Variants in CSRP1 observed in about 807,000 individuals in gnomAD.
The protein encoded by CSRP1 is cysteine and glycine rich protein 1, also known as cysteine and glycine-rich protein 1.
CSRP1 carries 16 observed loss-of-function variants against 25.4 expected under a neutral mutation model. The observed-to-expected ratio is 0.63, with a 90% CI of 0.43 to 0.96. CSRP1 has a LOEUF of 0.96. Ranked by LOEUF, CSRP1 falls within the 40% of genes least tolerant of loss-of-function variation. CSRP1 has a pLI of 0.00. For missense variants in CSRP1, 212 were observed against 243.6 expected (o/e 0.87, Z 0.86); for synonymous variants, 97 against 95.3 (o/e 1.02, Z -0.10).
intron 2 of CSRP1, 70 bp downstream of exon 2, chr1:201,496,122 G>A (rs1359152597): frequency 1.7e-6 from 2 of 1,211,230 alleles, no homozygotes; most frequent in Non-Finnish European, 2.4e-6. Flanking sequence ...GTGTTGACAG[G>A]CCCAGCCTGT....
At chr1:201,498,772 G>C (rs1168773738) in intron 1 of CSRP1, among the ~76,000 whole-genome samples, 1 of 152,206 alleles carries the variant, frequency 6.6e-6, no homozygotes. Flanking sequence ...CACAGCTTCT[G>C]GGGCCATTTT....
At chr1:201,487,057 A>G in intron 4 of CSRP1, 1 of 1,121,252 alleles carries the variant, frequency 8.9e-7, no homozygotes, top group Non-Finnish European at 1.2e-6. Flanking sequence ...GCAAAACTGT[A>G]CTGAGGACAT....
intron 2 of CSRP1, 86 bp downstream of exon 2, chr1:201,496,106 C>T (rs1328230624): frequency 2.5e-5 from 25 of 986,360 alleles, no homozygotes; most frequent in Non-Finnish European, 3.7e-5. Flanking sequence ...GGATCAGTTC[C>T]CTGGGGTGTT....
chr1:201,485,666 G>A, intron 4 of CSRP1: 1 of 415,116 alleles, frequency 2.4e-6, no homozygotes, highest in South Asian at 3.1e-5. Context: ...TAACACCAAA[G>A]TAGCTGTTAC....
At chr1:201,496,058 T>A (rs1664501246) in intron 2 of CSRP1, 134 bp downstream of exon 2, 2 of 682,130 alleles carry the variant, frequency 2.9e-6, no homozygotes, top group African/African-American at 3.5e-5. Context: ...CCTGCCCAGC[T>A]GCGCTTCAGC....
At position 201,483,603 on chromosome 1, in the gene CSRP1, T is replaced by C. The variant is rs1054077; in HGVS notation, c.*1110A>G. On this transcript the variant is annotated 3_prime_UTR_variant, in exon 6 of 6. Transcript: ENST00000340006. ...CAGCCCATGCCTGCAGCCCTTTCAGTGGGTGGCTCCAGATAGTGTTGTCCT... is the reference window on the plus strand; with the variant it reads ...CAGCCCATGCCTGCAGCCCTTTCAGCGGGTGGCTCCAGATAGTGTTGTCCT... 5.4e-6 allele frequency: 1 copy of C among 186,326 alleles called. No individual in the cohort carries two copies. Among genetic ancestry groups the C allele is most frequent in the African/African-American group, 2.3e-5 (1 of 43,720 alleles). The allele number at this position is 186,326 out of a possible 1,614,324, so 11.5% of individuals were successfully genotyped here. A position where few individuals can be genotyped will look rare whatever the true frequency, so the allele number is the denominator to read the frequency against.
At chr1:201,485,854 C>T (rs1558306178) in intron 4 of CSRP1, 1 of 155,968 alleles carries the variant, frequency 6.4e-6, no homozygotes, top group African/African-American at 2.4e-5. Context: ...AAAGGGTCTT[C>T]TGTGGCCCCT....
intron 1 of CSRP1, among the ~76,000 whole-genome samples, chr1:201,499,034 T>A (rs551189483): frequency 6.6e-6 from 1 of 152,308 alleles, no homozygotes; most frequent in South Asian, 2.1e-4. Flanking sequence ...CCCATCTCTG[T>A]CTTCCTCAGA....
intron 1 of CSRP1, among the ~76,000 whole-genome samples, chr1:201,500,712 C>CT (rs1664645509): frequency 6.6e-6 from 1 of 152,228 alleles, no homozygotes; most frequent in African/African-American, 2.4e-5. Flanking sequence ...AGAGGCTCAG[C>CT]TGGAGGGAAC....
intron 1 of CSRP1, among the ~76,000 whole-genome samples, chr1:201,500,226 C>T (rs1405860585): frequency 6.6e-6 from 1 of 152,172 alleles, no homozygotes; most frequent in Non-Finnish European, 1.5e-5. Flanking sequence ...ATACTCAGGC[C>T]CCTAGGAACA....
At chr1:201,500,176 C>T (rs770266166) in intron 1 of CSRP1, among the ~76,000 whole-genome samples, 6 of 152,230 alleles carry the variant, frequency 3.9e-5, no homozygotes, top group East Asian at 3.8e-4. Flanking sequence ...CCCTCTTCCT[C>T]GGCCTTCTCC....
In CSRP1 at chr1:201,484,303, C is replaced by A; in HGVS notation, c.*410G>T. 2.0e-6 allele frequency: 1 copy of A among 512,542 alleles called. No individual in the cohort carries two copies. Among genetic ancestry groups the A allele is most frequent in the East Asian group, 2.9e-5 (1 of 34,846 alleles). 31.7% of individuals were successfully genotyped at this position (512,542 alleles called of 1,614,324 possible). A position where few individuals can be genotyped will look rare whatever the true frequency, so the allele number is the denominator to read the frequency against. Reference sequence around the variant, plus strand: ...AAAAAACCCAGCCTTCCCCCCTCCTCATCTTGGTCTTGCTTCCCTCTCCCT... The same window carrying A: ...AAAAAACCCAGCCTTCCCCCCTCCTAATCTTGGTCTTGCTTCCCTCTCCCT... On this transcript the variant is annotated 3_prime_UTR_variant, in exon 6 of 6. Coordinates refer to ENST00000340006, the MANE Select transcript of CSRP1 (RefSeq NM_004078.3).
rs935688455 is a variant in CSRP1 at position 201,488,938 on chromosome 1, C to A, written c.328G>T (p.Ala110Ser). 2 of 1,614,006 alleles carry A rather than the reference C, an allele frequency of 1.2e-6. No individual in the cohort carries two copies. The highest frequency in any genetic ancestry group is 1.7e-6 in the Non-Finnish European group (2 of 1,180,020). ...PTTNPNASKF[A>S]QKIGGSERCP... ...CGCTCGGAGCCACCAATCTTCTGGG[C>A]AAATTTGGATGCATTGGGGTTGGTG... Residue 110 changes from alanine (A) to serine (S), a missense_variant, in exon 4 of 6, where the codon GCC (alanine) becomes TCC (serine). Physicochemically the swap from Ala to Ser is moderately conservative, Grantham distance 99 (BLOSUM62 1). Coordinates refer to ENST00000340006, the MANE Select transcript of CSRP1 (RefSeq NM_004078.3).
Position 201,484,595 on chromosome 1 carries a change from A to G in CSRP1, c.*118T>C. 1 of 992,354 alleles carries G rather than the reference A, an allele frequency of 1.0e-6. No individual in the cohort carries two copies. The highest frequency in any genetic ancestry group is 1.5e-6 in the Non-Finnish European group (1 of 660,824). 61.5% of individuals were successfully genotyped at this position (992,354 alleles called of 1,614,324 possible). A position where few individuals can be genotyped will look rare whatever the true frequency, so the allele number is the denominator to read the frequency against. On this transcript the variant is annotated 3_prime_UTR_variant, in exon 6 of 6. Coordinates refer to ENST00000340006, the MANE Select transcript of CSRP1 (RefSeq NM_004078.3). ...GGAGCCAGATGCCCAAGTTCAAGTC[A>G]TTAGTGATATGTGGCAGGGCTGACA...
chr1:201,485,149 G>A (rs1447617280), intron 5 of CSRP1, 134 bp downstream of exon 5: 1 of 810,272 alleles, frequency 1.2e-6, no homozygotes, highest in Admixed American at 2.0e-5. Flanking sequence ...TCTGTACAAT[G>A]AAGGAATCAT....
chr1:201,501,251 T>G (rs190104173), intron 1 of CSRP1, among the ~76,000 whole-genome samples: 1 of 152,174 alleles, frequency 6.6e-6, no homozygotes, highest in Non-Finnish European at 1.5e-5. Context: ...GCCATCCACA[T>G]GTAGCTAGTC....
Position 201,483,966 on chromosome 1 carries a change from C to A in CSRP1, c.*747G>T. The A allele has an allele frequency of 1.5e-6, 1 of 685,944 alleles. No homozygotes were observed. Among genetic ancestry groups the A allele is most frequent in the South Asian group, 1.5e-5 (1 of 66,800 alleles). The allele number at this position is 685,944 out of a possible 1,614,324, so 42.5% of individuals were successfully genotyped here. On this transcript the variant is annotated 3_prime_UTR_variant, in exon 6 of 6. Transcript: ENST00000340006. Reference sequence around the variant, plus strand: ...TGAAGATTTGAGCCATTGATAAATGCCAATATATGTTTCAGGTATTTCATT... The same window carrying A: ...TGAAGATTTGAGCCATTGATAAATGACAATATATGTTTCAGGTATTTCATT...
At chr1:201,490,379 T>G (rs1490676989) in intron 2 of CSRP1, 35 bp from the exon 3 acceptor site, 5 of 1,607,242 alleles carry the variant, frequency 3.1e-6, no homozygotes. Context: ...CGCATTGAGT[T>G]GAAGCTGGGG....
chr1:201,484,541 G>A lies in CSRP1; in HGVS notation c.*172C>T. ...GGCCTGGGGAGCCCTTTAGTGGGGTGGGACCTCAGGCAGACCCCCAAACCA... is the reference window on the plus strand; with the variant it reads ...GGCCTGGGGAGCCCTTTAGTGGGGTAGGACCTCAGGCAGACCCCCAAACCA... On this transcript the variant is annotated 3_prime_UTR_variant, in exon 6 of 6. Transcript: ENST00000340006. 1 of 643,172 alleles carries A rather than the reference G, an allele frequency of 1.6e-6. No individual in the cohort carries two copies. The highest frequency in any genetic ancestry group is 2.8e-5 in the East Asian group (1 of 36,262). The allele number at this position is 643,172 out of a possible 1,614,324, so 39.8% of individuals were successfully genotyped here. A position where few individuals can be genotyped will look rare whatever the true frequency, so the allele number is the denominator to read the frequency against.
Sources: gnomAD v4.1 joint callset for allele counts (sites outside exome capture counted in the v4.1 genomes callset) on GRCh38, gnomAD v4.1.1 for gene constraint, MANE v1.5 for transcripts, NCBI Gene and HGNC (gene_info 2026-07-23, HGNC 2026-07-21) for gene names.